Variants in BAHD1 observed in about 807,000 individuals in gnomAD.
The protein encoded by BAHD1 is bromo adjacent homology domain-containing 1 protein.
Under a neutral mutation model 63.1 loss-of-function variants are expected in BAHD1, and 20 were observed. That is an observed-to-expected ratio of 0.32 (90% CI 0.22 to 0.46). BAHD1 has a LOEUF of 0.46. Among genes scored for constraint, BAHD1 ranks in the 20% least tolerant of loss-of-function variants. BAHD1 has a pLI of 1.00. For synonymous variants in BAHD1, 408 were observed against 426.8 expected, an observed-to-expected ratio of 0.96 and a Z score of 0.54; for missense variants, 939 against 1,071.8, an observed-to-expected ratio of 0.88 and a Z score of 1.73.
At position 40,463,733 on chromosome 15, in the gene BAHD1, G is replaced by T. The variant is rs1894119168; in HGVS notation, c.1816-128G>T. 5 of 1,053,374 alleles carry T rather than the reference G, an allele frequency of 4.7e-6. 1 individual carries two copies. The highest frequency in any genetic ancestry group is 6.8e-6 in the Non-Finnish European group (5 of 730,356). 65.3% of individuals were successfully genotyped at this position (1,053,374 alleles called of 1,614,324 possible). A position where few individuals can be genotyped will look rare whatever the true frequency, so the allele number is the denominator to read the frequency against. ...CAGCCCCATCCAAAAAAGGATAGTG[G>T]TTTGACAAAACCAAGGTAGTGGTTT... On this transcript the variant is annotated intron_variant, in intron 3 of 6. Coordinates refer to ENST00000416165, the MANE Select transcript of BAHD1 (RefSeq NM_014952.5).
Position 40,441,000 on chromosome 15 carries a change from C to A in BAHD1, c.-283C>A, listed in dbSNP as rs1292979597. Among the ~76,000 whole-genome samples, 1 of 149,546 alleles carries A rather than the reference C, an allele frequency of 6.7e-6. No individual in the cohort carries two copies. The highest frequency in any genetic ancestry group is 1.5e-5 in the Non-Finnish European group (1 of 67,002). On this transcript the variant is annotated 5_prime_UTR_variant, in exon 1 of 7. Coordinates refer to ENST00000416165, the MANE Select transcript of BAHD1 (RefSeq NM_014952.5). ...CGGCGTAGCGGATCCCGGAGCCCGG[C>A]CCCCGCCGCCCGCCCGTCCGGCTGC...
rs1893942398 is a variant in BAHD1, at chr15:40,459,069, A to G, written c.605A>G (p.Lys202Arg). 6.2e-7 allele frequency: 1 copy of G among 1,612,418 alleles called. No homozygotes were observed. The highest frequency in any genetic ancestry group is 1.1e-5 in the South Asian group (1 of 90,930). ...CGCCGAGATGGAGACCCAGCTCCCA[A>G]GAGACTGGCTAGCCTGAACGCAGCT... ...GPRRDGDPAP[K>R]RLASLNAAAF... Residue 202 changes from lysine (K) to arginine (R), a missense_variant, in exon 2 of 7, where the codon AAG becomes AGG. Transcript: ENST00000416165.
At chr15:40,457,702 A>G (rs1485908805) in intron 1 of BAHD1, among the ~76,000 whole-genome samples, 1 of 152,178 alleles carries the variant, frequency 6.6e-6, no homozygotes. Context: ...CCTTGGTTAT[A>G]CTTTTGGAAG....
In BAHD1 at chr15:40,459,083, C is replaced by T. The variant is rs754988598; in HGVS notation, c.619C>T (p.Leu207=). 1.2e-6 allele frequency: 2 copies of T among 1,612,788 alleles called. No homozygotes were observed. Among genetic ancestry groups the T allele is most frequent in the Non-Finnish European group, 1.7e-6 (2 of 1,179,750 alleles). Reference sequence around the variant, plus strand: ...CCCAGCTCCCAAGAGACTGGCTAGCCTGAACGCAGCTGCTTTCCTAAAACT... The same window carrying T: ...CCCAGCTCCCAAGAGACTGGCTAGCTTGAACGCAGCTGCTTTCCTAAAACT... The part of the protein sequence containing the change: ...GDPAPKRLAS[L]NAAAFLKLSQ... Residue 207 remains leucine, a synonymous_variant, in exon 2 of 7, where the codon CTG becomes TTG. Transcript: ENST00000416165.
chr15:40,457,638 G>A (rs529710660), intron 1 of BAHD1, among the ~76,000 whole-genome samples: 8 of 152,334 alleles, frequency 5.3e-5, no homozygotes, highest in African/African-American at 1.9e-4. Flanking sequence ...CTGTCTTCTT[G>A]TCCTCCTGTG....
In BAHD1 at chr15:40,459,645, C is replaced by G. The variant is rs750580950; in HGVS notation, c.1181C>G (p.Ser394Trp). Residue 394 changes from serine to tryptophan, a missense_variant, in exon 2 of 7, where the codon TCG becomes TGG. Ser to Trp is a radical substitution (Grantham distance 177, BLOSUM62 -3). Around this residue, in one of 5 missense-constraint regions of BAHD1, gnomAD observed 797 missense variants for 813.3 expected, o/e 0.98. Coordinates refer to ENST00000416165, the MANE Select transcript of BAHD1 (RefSeq NM_014952.5). ...GQEGLQCGGY[S>W]PCPMLPEGKL... ...GAGGGGCTGCAGTGTGGGGGCTACT[C>G]GCCCTGCCCCATGCTTCCTGAGGGC... 6.2e-7 allele frequency: 1 copy of G among 1,614,004 alleles called. No homozygotes were observed. Among genetic ancestry groups the G allele is most frequent in the Non-Finnish European group, 8.5e-7 (1 of 1,180,028 alleles).
chr15:40,441,651 G>A (rs990790489), intron 1 of BAHD1, among the ~76,000 whole-genome samples: 1 of 147,892 alleles, frequency 6.8e-6, no homozygotes, highest in African/African-American at 2.4e-5. Context: ...GCGGAGGGCG[G>A]GAGGACGCCG....
At position 40,463,983 on chromosome 15, in the gene BAHD1, G is replaced by A. The variant is rs1451024045; in HGVS notation, c.1938G>A (p.Val646=). 3.7e-6 allele frequency: 6 copies of A among 1,614,202 alleles called. No individual in the cohort carries two copies. Among genetic ancestry groups the A allele is most frequent in the Non-Finnish European group, 4.2e-6 (5 of 1,180,040 alleles). ...CACGAAAGACCTCCACACCTTATGT[G>A]GCCAAGATCTCTGCCCTCTGGGAGA... The part of the protein sequence containing the change: ...SGPRKTSTPY[V]AKISALWENP... The change falls in exon 4 of 7, where the codon GTG becomes GTA. Residue 646 remains valine, a synonymous_variant. Transcript: ENST00000416165.
In BAHD1 at chr15:40,459,314, C is replaced by A. The variant is rs1290355664; in HGVS notation, c.850C>A (p.Pro284Thr). 4 of 1,612,924 alleles carry A rather than the reference C, an allele frequency of 2.5e-6. No individual in the cohort carries two copies. Among genetic ancestry groups the A allele is most frequent in the Admixed American group, 1.7e-5 (1 of 60,002 alleles). Residue 284 changes from proline (P) to threonine (T), a missense_variant, in exon 2 of 7, where the codon CCA becomes ACA. By Grantham distance (38) the Pro-to-Thr change is conservative. Transcript: ENST00000416165. ...GWQGCPDEPWPSATPCGPSVQ... is the reference protein window; with the variant it reads ...GWQGCPDEPWTSATPCGPSVQ... ...GCAAGGCTGCCCTGATGAACCATGG[C>A]CATCTGCAACTCCTTGTGGGCCATC...
intron 5 of BAHD1, chr15:40,465,069 G>C (rs560939775): frequency 1.0e-4 from 53 of 509,916 alleles, no homozygotes; most frequent in Non-Finnish European, 1.7e-4. Flanking sequence ...CCTCTCCTAC[G>C]CTAGGCAGGG....
chr15:40,453,029 G>C (rs1893751067), intron 1 of BAHD1, among the ~76,000 whole-genome samples: 1 of 152,214 alleles, frequency 6.6e-6, no homozygotes, highest in Admixed American at 6.5e-5. Context: ...GGAGGAATCT[G>C]TCCCGGGCTC....
At chr15:40,445,095 C>T (rs1199739500) in intron 1 of BAHD1, among the ~76,000 whole-genome samples, 1 of 152,088 alleles carries the variant, frequency 6.6e-6, no homozygotes, top group Non-Finnish European at 1.5e-5. Flanking sequence ...CACAGTCCTT[C>T]CTCTCTTTCT....
At chr15:40,449,814 C>CAAAAAAA (rs1053414532) in intron 1 of BAHD1, among the ~76,000 whole-genome samples, 1 of 55,138 alleles carries the variant, frequency 1.8e-5, no homozygotes. Flanking sequence ...GACCCTGTCT[C>CAAAAAAA]AAAAAAAAAA....
At chr15:40,442,522 G>A (rs1047197731) in intron 1 of BAHD1, among the ~76,000 whole-genome samples, 5 of 152,166 alleles carry the variant, frequency 3.3e-5, no homozygotes, top group African/African-American at 1.2e-4. Flanking sequence ...CAAGAATGAG[G>A]GGTTTTTCAA....
chr15:40,445,042 C>G (rs1207115841), intron 1 of BAHD1, among the ~76,000 whole-genome samples: 2 of 152,072 alleles, frequency 1.3e-5, no homozygotes, highest in Non-Finnish European at 2.9e-5. Context: ...CTCCTGGGCT[C>G]TCTTCTCAGC....
At chr15:40,465,208 A>C in intron 5 of BAHD1, 127 bp from the exon 6 acceptor site, 1 of 780,346 alleles carries the variant, frequency 1.3e-6, no homozygotes, top group Non-Finnish European at 2.1e-6. Flanking sequence ...CTTAGGCTGA[A>C]TTTCCAGGGA....
intron 1 of BAHD1, among the ~76,000 whole-genome samples, chr15:40,441,831 C>T (rs975947332): frequency 1.3e-5 from 2 of 148,874 alleles, no homozygotes; most frequent in African/African-American, 5.0e-5. Flanking sequence ...TGGGAGCTGA[C>T]CGGTTATTGC....
At chr15:40,443,790 G>C (rs576391554) in intron 1 of BAHD1, among the ~76,000 whole-genome samples, 2 of 151,954 alleles carry the variant, frequency 1.3e-5, no homozygotes. Context: ...ACCCCTTCCC[G>C]GTGTCACTCC....
At chr15:40,452,836 C>T (rs1015632979) in intron 1 of BAHD1, among the ~76,000 whole-genome samples, 2 of 152,160 alleles carry the variant, frequency 1.3e-5, no homozygotes, top group Admixed American at 1.3e-4. Context: ...TGACTACACC[C>T]GGCCCTCTTG....
Sources: gnomAD v4.1 joint callset for allele counts (sites outside exome capture counted in the v4.1 genomes callset) on GRCh38, gnomAD v4.1.1 for gene constraint, gnomAD v4.1.1 regional missense constraint, MANE v1.5 for transcripts, NCBI Gene and HGNC (gene_info 2026-07-23, HGNC 2026-07-21) for gene names.